The following REDIC1 variants were observed in gnomAD, a reference collection of about 807,000 sequenced individuals.
REDIC1 encodes regulator of DNA class I crossover intermediates 1.
chr12:39,823,164 AG>A, the REDIC1 span, among the ~76,000 whole-genome samples: 1 of 152,234 alleles, frequency 6.6e-6, no homozygotes, highest in Non-Finnish European at 1.5e-5. Flanking sequence ...CTATTTAAGC[AG>A]TAACATAAAA....
the REDIC1 span, among the ~76,000 whole-genome samples, chr12:39,864,395 A>T: frequency 5.3e-5 from 8 of 152,200 alleles, no homozygotes; most frequent in African/African-American, 1.9e-4. Context: ...TAAAAGTTTG[A>T]TTACTGATTA....
At chr12:39,861,131 A>G in the REDIC1 span, among the ~76,000 whole-genome samples, 1 of 152,188 alleles carries the variant, frequency 6.6e-6, no homozygotes, top group Non-Finnish European at 1.5e-5. Context: ...TCTGTGTGAC[A>G]TACTCCACTC....
the REDIC1 span, among the ~76,000 whole-genome samples, chr12:39,751,968 G>A: frequency 6.6e-6 from 1 of 152,278 alleles, no homozygotes; most frequent in Admixed American, 6.5e-5. Flanking sequence ...GAGTTAATGG[G>A]TGCAGCACAC....
At chr12:39,712,853 A>G in the REDIC1 span, among the ~76,000 whole-genome samples, 1 of 68,888 alleles carries the variant, frequency 1.5e-5, no homozygotes, top group African/African-American at 3.5e-5. Flanking sequence ...GTATATACAC[A>G]TATGTATATA....
chr12:39,770,945 A>G, the REDIC1 span, among the ~76,000 whole-genome samples: 2 of 152,124 alleles, frequency 1.3e-5, no homozygotes, highest in Non-Finnish European at 2.9e-5. Flanking sequence ...TCTAGGTGTA[A>G]TATCTCAAAG....
the REDIC1 span, among the ~76,000 whole-genome samples, chr12:39,901,095 T>C: frequency 5.9e-5 from 9 of 152,176 alleles, no homozygotes; most frequent in African/African-American, 2.2e-4. Context: ...GGGAAAGGAT[T>C]CCCTATTTAA....
At chr12:39,649,907 CA>C in the REDIC1 span, among the ~76,000 whole-genome samples, 3 of 151,740 alleles carry the variant, frequency 2.0e-5, no homozygotes, top group Admixed American at 6.6e-5. Flanking sequence ...TGTTTTCTGT[CA>C]GAGAAATTTA....
chr12:39,720,011 TA>T, the REDIC1 span, among the ~76,000 whole-genome samples: 2 of 152,040 alleles, frequency 1.3e-5, no homozygotes, highest in Non-Finnish European at 2.9e-5. Flanking sequence ...TTAACTTGAA[TA>T]ATCAATACTT....
At chr12:39,841,739 A>G in the REDIC1 span, among the ~76,000 whole-genome samples, 159 of 152,114 alleles carry the variant, frequency 1.0e-3, no homozygotes, top group African/African-American at 3.7e-3. Flanking sequence ...TTTTTCAGAG[A>G]AAAAAACAGT....
chr12:39,886,906 C>T, the REDIC1 span, among the ~76,000 whole-genome samples: 33,623 of 151,978 alleles, frequency 0.22, 4,060 homozygotes, highest in East Asian at 0.34. Flanking sequence ...CAAGTAGTGT[C>T]CAGATGTGTT....
chr12:39,777,791 G>A, the REDIC1 span, among the ~76,000 whole-genome samples: 1 of 152,178 alleles, frequency 6.6e-6, no homozygotes. Flanking sequence ...GCAGTCGGAT[G>A]AGAGCCCAGT....
the REDIC1 span, among the ~76,000 whole-genome samples, chr12:39,640,474 T>G: frequency 6.6e-6 from 1 of 151,972 alleles, no homozygotes; most frequent in Admixed American, 6.6e-5. Context: ...CAAGTACATA[T>G]GGCTGATATA....
chr12:39,866,054 A>C, the REDIC1 span, among the ~76,000 whole-genome samples: 6 of 152,256 alleles, frequency 3.9e-5, no homozygotes, highest in African/African-American at 9.6e-5. Flanking sequence ...TGGCTGTGTT[A>C]GTTTGTACAA....
the REDIC1 span, among the ~76,000 whole-genome samples, chr12:39,900,215 CA>C: frequency 6.6e-6 from 1 of 152,208 alleles, no homozygotes; most frequent in Admixed American, 6.5e-5. Flanking sequence ...CTATCTATGA[CA>C]ACCCCACAGC....
chr12:39,904,719 A>T, the REDIC1 span, among the ~76,000 whole-genome samples: 237 of 152,230 alleles, frequency 1.6e-3, 1 homozygote, highest in African/African-American at 5.4e-3. Context: ...CAACCAAGTA[A>T]ACTAGACTAC....
chr12:39,716,768 C>T, the REDIC1 span: 9 of 1,602,188 alleles, frequency 5.6e-6, no homozygotes, highest in Non-Finnish European at 6.0e-6. Context: ...CTTGATTCTG[C>T]ACAGAGTAGT....
At chr12:39,788,931 C>T in the REDIC1 span, among the ~76,000 whole-genome samples, 3 of 152,116 alleles carry the variant, frequency 2.0e-5, no homozygotes, top group East Asian at 1.9e-4. Flanking sequence ...TTTTCTAATA[C>T]GTATTTAAAA....
the REDIC1 span, among the ~76,000 whole-genome samples, chr12:39,713,966 T>G: frequency 6.7e-6 from 1 of 148,232 alleles, no homozygotes; most frequent in Non-Finnish European, 1.5e-5. Flanking sequence ...TATATACAGG[T>G]ATGTGCATAT....
the REDIC1 span, among the ~76,000 whole-genome samples, chr12:39,638,789 T>C: frequency 6.6e-6 from 1 of 152,048 alleles, no homozygotes; most frequent in Non-Finnish European, 1.5e-5. Context: ...CTGATGTCGA[T>C]ATTGGTCTTA....
Sources: allele counts gnomAD v4.1 joint callset (sites outside exome capture counted in the v4.1 genomes callset), GRCh38; gene constraint gnomAD v4.1.1; transcripts MANE v1.5; gene names NCBI Gene and HGNC (gene_info 2026-07-23, HGNC 2026-07-21).